NEDD4L: variants seen among roughly 807,000 people sequenced by gnomAD.
NEDD4L encodes the protein E3 ubiquitin-protein ligase NEDD4-like.
NEDD4L carries 54 observed loss-of-function variants against 148.9 expected under a neutral mutation model. That is an observed-to-expected ratio of 0.36 (90% CI 0.29 to 0.45). NEDD4L has a LOEUF of 0.45. Among genes scored for constraint, NEDD4L ranks in the 20% least tolerant of loss-of-function variants. NEDD4L has a pLI of 1.00. For synonymous variants in NEDD4L, 433 were observed against 440.7 expected, an observed-to-expected ratio of 0.98 and a Z score of 0.22; for missense variants, 856 against 1,233.8, an observed-to-expected ratio of 0.69 and a Z score of 4.59.
chr18:58,269,005 G>A (rs986052546), intron 5 of NEDD4L, among the ~76,000 whole-genome samples: 3 of 152,022 alleles, frequency 2.0e-5, no homozygotes, highest in Admixed American at 1.3e-4. Flanking sequence ...AAAGTCTGGT[G>A]ATCCTCCCTG....
chr18:58,203,394 T>C (rs1385468498), intron 2 of NEDD4L, among the ~76,000 whole-genome samples: 2 of 152,218 alleles, frequency 1.3e-5, no homozygotes, highest in African/African-American at 4.8e-5. Flanking sequence ...AAAAATAAAA[T>C]AAAAGTCTTT....
chr18:58,360,523 C>T (rs1283012686), intron 19 of NEDD4L, among the ~76,000 whole-genome samples: 2 of 151,968 alleles, frequency 1.3e-5, no homozygotes, highest in East Asian at 3.9e-4. Flanking sequence ...TTTATTTGGT[C>T]GTTTAAAATT....
chr18:58,251,763 A>G (rs539312185), intron 4 of NEDD4L, among the ~76,000 whole-genome samples: 7 of 152,338 alleles, frequency 4.6e-5, no homozygotes, highest in African/African-American at 1.4e-4. Context: ...ATTTTAGAAA[A>G]ACAGCTAAGA....
intron 19 of NEDD4L, among the ~76,000 whole-genome samples, chr18:58,363,235 C>A (rs1293486542): frequency 6.6e-6 from 1 of 152,058 alleles, no homozygotes; most frequent in Non-Finnish European, 1.5e-5. Context: ...TTCTTCATTT[C>A]TTCTGTTTCT....
intron 19 of NEDD4L, among the ~76,000 whole-genome samples, chr18:58,360,234 G>C (rs889443711): frequency 6.6e-6 from 1 of 152,204 alleles, no homozygotes; most frequent in South Asian, 2.1e-4. Flanking sequence ...TATGGGGATT[G>C]TGTCTTTCCT....
chr18:58,081,641 G>C (rs79713677), intron 1 of NEDD4L, among the ~76,000 whole-genome samples: 1 of 152,054 alleles, frequency 6.6e-6, no homozygotes, highest in Non-Finnish European at 1.5e-5. Context: ...ACAGAATCTC[G>C]TATCTTTTCC....
intron 13 of NEDD4L, among the ~76,000 whole-genome samples, chr18:58,338,372 G>C (rs955713610): frequency 6.6e-6 from 1 of 152,198 alleles, no homozygotes; most frequent in African/African-American, 2.4e-5. Context: ...TCAACTAGCC[G>C]TGCAGGGTGG....
At chr18:58,383,721 T>C (rs1222827544) in intron 25 of NEDD4L, among the ~76,000 whole-genome samples, 1 of 152,220 alleles carries the variant, frequency 6.6e-6, no homozygotes. Flanking sequence ...TTTTCCATAA[T>C]AGAAATGTAT....
intron 1 of NEDD4L, among the ~76,000 whole-genome samples, chr18:58,084,674 T>TGTGGGTGG (rs566834630): frequency 2.8e-3 from 387 of 138,518 alleles, no homozygotes; most frequent in Admixed American, 4.3e-3. Context: ...GGGGTTTTTG[T>TGTGGGTGG]GTGTGTGTGT....
rs2081627884 is a variant in NEDD4L at position 58,047,270 on chromosome 18, A to G, written c.48+2562A>G. On this transcript the variant is annotated intron_variant, in intron 1 of 30. Coordinates refer to ENST00000400345, the MANE Select transcript of NEDD4L (RefSeq NM_001144967.3). ...AGAGTGACCTCATAAATCTTTTAGC[A>G]AAGTAGACACACATACCTACCACAT... The G allele has an allele frequency of 3.0e-6, 3 of 984,718 alleles. No individual in the cohort carries two copies. In the African/African-American group the frequency reaches 5.2e-5, roughly 17 times the overall value. The allele number at this position is 984,718 out of a possible 1,614,324, so 61.0% of individuals were successfully genotyped here. A position where few individuals can be genotyped will look rare whatever the true frequency, so the allele number is the denominator to read the frequency against.
Position 58,275,186 on chromosome 18 carries a change from C to T in NEDD4L, c.297+23132C>T, listed in dbSNP as rs528922885. Among the ~76,000 whole-genome samples the T allele has an allele frequency of 3.1e-4, 47 of 150,796 alleles. 2 individuals carry two copies. The South Asian group carries it at 9.0e-3, about 29-fold the overall frequency. On this transcript the variant is annotated intron_variant, in intron 5 of 30. Transcript: ENST00000400345. ...TTATAAAAATTAAATACTGTGTTCT[C>T]ATAATTAAACTAGAGAAAACGTTAA...
chr18:58,247,525 T>G (rs1460556397), intron 3 of NEDD4L: 3 of 152,114 alleles, frequency 2.0e-5, no homozygotes, highest in Non-Finnish European at 2.9e-5. Context: ...TGCAATGGAT[T>G]TCCTTCCAAA....
At chr18:58,087,929 G>A (rs2145232314) in intron 1 of NEDD4L, among the ~76,000 whole-genome samples, 1 of 152,272 alleles carries the variant, frequency 6.6e-6, no homozygotes, top group African/African-American at 2.4e-5. Flanking sequence ...ACTTCCTGGG[G>A]GTCAGGGATC....
At chr18:58,076,107 G>A (rs2083143163) in intron 1 of NEDD4L, among the ~76,000 whole-genome samples, 3 of 152,172 alleles carry the variant, frequency 2.0e-5, no homozygotes, top group Admixed American at 2.0e-4. Flanking sequence ...TCCCTGGATT[G>A]CTTGAACCAG....
chr18:58,320,934 A>G (rs2058717580), intron 6 of NEDD4L, among the ~76,000 whole-genome samples: 1 of 152,230 alleles, frequency 6.6e-6, no homozygotes, highest in Non-Finnish European at 1.5e-5. Flanking sequence ...GGTAGAAAAT[A>G]TTTTCAAAAT....
chr18:58,304,725 A>G (rs2056878622), intron 5 of NEDD4L, among the ~76,000 whole-genome samples: 1 of 152,158 alleles, frequency 6.6e-6, no homozygotes, highest in Non-Finnish European at 1.5e-5. Flanking sequence ...CTTTCCACAA[A>G]CCCATTATGT....
chr18:58,271,600 G>C (rs942056016), intron 5 of NEDD4L, among the ~76,000 whole-genome samples: 2 of 152,156 alleles, frequency 1.3e-5, no homozygotes, highest in African/African-American at 4.8e-5. Context: ...AAGTAACTCA[G>C]CAAGTAACCT....
At chr18:58,130,188 C>T (rs1321950321) in intron 1 of NEDD4L, among the ~76,000 whole-genome samples, 35 of 129,726 alleles carry the variant, frequency 2.7e-4, no homozygotes, top group Admixed American at 1.3e-3. Context: ...GGAACTGTGG[C>T]GGTGTTGGGC....
chr18:58,221,431 C>G (rs748128717), intron 2 of NEDD4L: 5 of 388,996 alleles, frequency 1.3e-5, no homozygotes, highest in Admixed American at 1.3e-4. Flanking sequence ...AAGCTAATTG[C>G]TGAGCTGGGT....
Sources: gnomAD v4.1 joint callset for allele counts (sites outside exome capture counted in the v4.1 genomes callset) on GRCh38, gnomAD v4.1.1 for gene constraint, MANE v1.5 for transcripts, NCBI Gene and HGNC (gene_info 2026-07-23, HGNC 2026-07-21) for gene names.